GDPD4: variants seen among roughly 807,000 people sequenced by gnomAD.
GDPD4 encodes glycerophosphodiester phosphodiesterase domain containing 4.
GDPD4 carries 60 observed loss-of-function variants against 67.8 expected under a neutral mutation model. That is an observed-to-expected ratio of 0.88 (90% confidence interval 0.72 to 1.10). GDPD4 has a LOEUF of 1.10. Among genes scored for constraint, GDPD4 ranks in the 50% least tolerant of loss-of-function variants. The pLI is 0.00. For synonymous variants in GDPD4, 212 were observed against 210.9 expected, an observed-to-expected ratio of 1.00 and a Z score of -0.04; for missense variants, 623 against 613.9, an observed-to-expected ratio of 1.01 and a Z score of -0.16.
chr11:77,290,856 T>G (rs1048582147), intron 1 of GDPD4, among the ~76,000 whole-genome samples: 14 of 152,142 alleles, frequency 9.2e-5, no homozygotes, highest in Non-Finnish European at 1.9e-4. Context: ...AGAAGGGCTA[T>G]TATCAAAAAG....
At chr11:77,266,583 T>C (rs1236402189) in intron 10 of GDPD4, among the ~76,000 whole-genome samples, 2 of 152,164 alleles carry the variant, frequency 1.3e-5, no homozygotes, top group Non-Finnish European at 2.9e-5. Flanking sequence ...GGAGGTATTC[T>C]AGAAGGCATT....
At chr11:77,236,009 GATACTAAAA>G (rs1958559288) in intron 13 of GDPD4, among the ~76,000 whole-genome samples, 1 of 145,828 alleles carries the variant, frequency 6.9e-6, no homozygotes, top group Non-Finnish European at 1.5e-5. Context: ...GATAGAATGA[GATACTAAAA>G]AATGATTAAC....
chr11:77,285,597 A>G (rs972070769), intron 2 of GDPD4, among the ~76,000 whole-genome samples: 2 of 152,222 alleles, frequency 1.3e-5, no homozygotes, highest in Non-Finnish European at 2.9e-5. Context: ...TTAGTCATCA[A>G]TCTACCCCAT....
intron 3 of GDPD4, among the ~76,000 whole-genome samples, chr11:77,284,676 G>A (rs1283046360): frequency 1.3e-5 from 2 of 152,160 alleles, no homozygotes; most frequent in South Asian, 4.1e-4. Context: ...AAGAACAGCA[G>A]GGAGAGGAAG....
chr11:77,258,292 C>G, intron 11 of GDPD4, 94 bp downstream of exon 11: 9 of 1,179,178 alleles, frequency 7.6e-6, no homozygotes, highest in African/African-American at 1.5e-5. Context: ...TGGATACTTG[C>G]CTATCTTCAT....
chr11:77,243,547 G>A (rs1281623766), intron 13 of GDPD4, 147 bp downstream of exon 13: 1 of 676,192 alleles, frequency 1.5e-6, no homozygotes, highest in Non-Finnish European at 2.5e-6. Flanking sequence ...GAGGGAGGAA[G>A]GGGTAGGAAA....
intron 11 of GDPD4, among the ~76,000 whole-genome samples, chr11:77,253,389 G>C (rs982781493): frequency 3.3e-5 from 5 of 152,172 alleles, no homozygotes; most frequent in Non-Finnish European, 7.4e-5. Flanking sequence ...GTGAGGCCAA[G>C]TGCAGCAGCC....
chr11:77,289,302 G>A (rs1937678414), intron 1 of GDPD4, among the ~76,000 whole-genome samples: 1 of 151,062 alleles, frequency 6.6e-6, no homozygotes, highest in Non-Finnish European at 1.5e-5. Flanking sequence ...GGCGGAGGTT[G>A]CAGTGAGCCA....
intron 11 of GDPD4, among the ~76,000 whole-genome samples, chr11:77,256,989 C>G (rs1959014994): frequency 6.6e-6 from 1 of 152,186 alleles, no homozygotes; most frequent in Non-Finnish European, 1.5e-5. Flanking sequence ...TAATTCTTCA[C>G]TTTTCCCTAT....
intron 10 of GDPD4, among the ~76,000 whole-genome samples, chr11:77,258,958 G>C (rs569189153): frequency 3.9e-5 from 6 of 152,208 alleles, no homozygotes; most frequent in African/African-American, 1.2e-4. Context: ...ACTGCACTGA[G>C]TATTTCTTTT....
intron 14 of GDPD4, among the ~76,000 whole-genome samples, chr11:77,229,827 T>C (rs1257059672): frequency 2.6e-5 from 4 of 152,212 alleles, no homozygotes; most frequent in Admixed American, 2.6e-4. Flanking sequence ...GCTCCTCTTC[T>C]ATGCTCCTTG....
At chr11:77,227,158 C>A (rs2135824645) in intron 16 of GDPD4, among the ~76,000 whole-genome samples, 1 of 152,324 alleles carries the variant, frequency 6.6e-6, no homozygotes, top group African/African-American at 2.4e-5. Flanking sequence ...TCACAACCCT[C>A]AAAGAAACTC....
chr11:77,299,485 T>C (rs888970701), intron 1 of GDPD4, among the ~76,000 whole-genome samples: 1 of 152,216 alleles, frequency 6.6e-6, no homozygotes, highest in African/African-American at 2.4e-5. Flanking sequence ...AAGTTTACTG[T>C]TTATTGTCTG....
intron 16 of GDPD4, among the ~76,000 whole-genome samples, chr11:77,220,244 G>C (rs1958201800): frequency 6.6e-6 from 1 of 152,180 alleles, no homozygotes; most frequent in Admixed American, 6.5e-5. Context: ...CCAACACTAT[G>C]TTGAATAGGA....
intron 11 of GDPD4, among the ~76,000 whole-genome samples, chr11:77,255,513 G>A (rs756633436): frequency 2.0e-5 from 3 of 152,026 alleles, no homozygotes; most frequent in African/African-American, 4.8e-5. Context: ...TCAGTGTGCC[G>A]AGATCATGCC....
chr11:77,274,519 C>CT (rs1429052167), intron 5 of GDPD4, among the ~76,000 whole-genome samples: 2 of 152,150 alleles, frequency 1.3e-5, no homozygotes, highest in African/African-American at 4.8e-5. Flanking sequence ...CTCTTGCTCC[C>CT]TTTCTTGCTA....
At chr11:77,263,720 G>C (rs993728242) in intron 10 of GDPD4, among the ~76,000 whole-genome samples, 2 of 152,180 alleles carry the variant, frequency 1.3e-5, no homozygotes, top group African/African-American at 4.8e-5. Context: ...TTTTGTCTCA[G>C]GTTCTCATAT....
chr11:77,262,454 A>G (rs114278263), intron 10 of GDPD4, among the ~76,000 whole-genome samples: 1,789 of 152,316 alleles, frequency 0.012, 44 homozygotes, highest in African/African-American at 0.042. Context: ...AGTATTAATC[A>G]GGCTTCATTT....
At chr11:77,238,363 C>G (rs1182993786) in intron 13 of GDPD4, among the ~76,000 whole-genome samples, 1 of 152,066 alleles carries the variant, frequency 6.6e-6, no homozygotes, top group Non-Finnish European at 1.5e-5. Context: ...GTGGGTGGAT[C>G]ACCTGAGGTC....
Sources: gnomAD v4.1 joint callset for allele counts (sites outside exome capture counted in the v4.1 genomes callset) on GRCh38, gnomAD v4.1.1 for gene constraint, MANE v1.5 for transcripts, NCBI Gene and HGNC (gene_info 2026-07-23, HGNC 2026-07-21) for gene names.